The following PDZD9 variants were observed in gnomAD, a reference collection of about 807,000 sequenced individuals.
The protein encoded by PDZD9 is PDZ domain containing 9.
PDZD9 carries 13 observed loss-of-function variants against 16.3 expected under a neutral mutation model. The ratio of observed to expected loss-of-function variants is 0.80; its 90% CI spans 0.52 to 1.27. The LOEUF is 1.27. Among genes scored for constraint, PDZD9 ranks in the 50% most tolerant of loss-of-function variants. The pLI, the probability that PDZD9 is intolerant of heterozygous loss-of-function variation, is 0.00. For synonymous variants in PDZD9, 120 were observed against 111.0 expected, an observed-to-expected ratio of 1.08 and a Z score of -0.51; for missense variants, 288 against 310.9, an observed-to-expected ratio of 0.93 and a Z score of 0.55.
chr16:21,964,149 A>G, the PDZD9 span, among the ~76,000 whole-genome samples: 2 of 152,198 alleles, frequency 1.3e-5, no homozygotes, highest in Non-Finnish European at 2.9e-5. Flanking sequence ...ATGTTATTTC[A>G]TGATGATGCT....
the PDZD9 span, chr16:21,974,057 T>C: frequency 3.0e-6 from 4 of 1,318,068 alleles, no homozygotes; most frequent in Non-Finnish European, 4.3e-6. Context: ...GGTTAAAATA[T>C]GGAATGTTTG....
chr16:21,981,762 CAA>C (rs1028411779), downstream of PDZD9, among the ~76,000 whole-genome samples: 1 of 151,214 alleles, frequency 6.6e-6, no homozygotes, highest in African/African-American at 2.4e-5. Context: ...GACCCTGTCT[CAA>C]ATAAAAAAGA....
chr16:21,971,832 G>T, the PDZD9 span: 1 of 1,566,178 alleles, frequency 6.4e-7, no homozygotes, highest in Non-Finnish European at 8.7e-7. Flanking sequence ...AAGACTCGTG[G>T]GTTAATACTG....
chr16:21,980,815 A>C (rs909963305), downstream of PDZD9: 18 of 1,245,194 alleles, frequency 1.4e-5, no homozygotes, highest in Admixed American at 5.1e-5. Flanking sequence ...TTTGGTGCTC[A>C]TCTACTTAAT....
At chr16:21,962,300 G>A in the PDZD9 span, 3 of 791,896 alleles carry the variant, frequency 3.8e-6, no homozygotes, top group Non-Finnish European at 5.9e-6. Context: ...AAAAAATTTT[G>A]AATTTTAGTT....
the PDZD9 span, among the ~76,000 whole-genome samples, chr16:21,978,675 G>T: frequency 6.6e-6 from 1 of 152,148 alleles, no homozygotes; most frequent in Non-Finnish European, 1.5e-5. Context: ...GTATAATTTC[G>T]TACTGACAGC....
At chr16:21,975,717 G>C in the PDZD9 span, among the ~76,000 whole-genome samples, 8 of 152,166 alleles carry the variant, frequency 5.3e-5, no homozygotes, top group African/African-American at 1.4e-4. Flanking sequence ...TGAATAGTAA[G>C]AGATAGCAGT....
chr16:21,969,275 T>C, the PDZD9 span, among the ~76,000 whole-genome samples: 2 of 152,244 alleles, frequency 1.3e-5, no homozygotes, highest in Non-Finnish European at 2.9e-5. Context: ...GGCTCATGCC[T>C]GTAATCCTAG....
the PDZD9 span, among the ~76,000 whole-genome samples, chr16:21,961,644 AT>A: frequency 1.1e-5 from 1 of 93,800 alleles, no homozygotes; most frequent in East Asian, 2.5e-4. Flanking sequence ...ATATATATAT[AT>A]ATATATATAT....
At chr16:21,964,996 C>G in the PDZD9 span, among the ~76,000 whole-genome samples, 5 of 152,158 alleles carry the variant, frequency 3.3e-5, no homozygotes, top group African/African-American at 1.2e-4. Flanking sequence ...CTGACAATCT[C>G]CTTATTACCT....
At chr16:21,957,618 C>G in the PDZD9 span, 1 of 1,580,084 alleles carries the variant, frequency 6.3e-7, no homozygotes, top group Non-Finnish European at 8.6e-7. Context: ...TATCTTGGTC[C>G]TGTGAAAAAG....
the PDZD9 span, chr16:21,962,573 C>T: frequency 1.8e-5 from 29 of 1,610,588 alleles, no homozygotes; most frequent in Non-Finnish European, 2.4e-5. Flanking sequence ...AAGCTGCTCA[C>T]TTCTGGTCTT....
chr16:21,989,638 C>T (rs1898974236), intron 2 of PDZD9, among the ~76,000 whole-genome samples: 1 of 152,116 alleles, frequency 6.6e-6, no homozygotes, highest in Non-Finnish European at 1.5e-5. Flanking sequence ...CTGTATAAAA[C>T]ATTGGGCAAT....
chr16:22,000,875 T>TG (rs1899282919), intron 1 of PDZD9, 142 bp downstream of exon 1: 22 of 700,254 alleles, frequency 3.1e-5, no homozygotes, highest in Middle Eastern at 2.4e-4. Context: ...ATGATGATGA[T>TG]AATGATGATG....
the PDZD9 span, chr16:21,965,519 A>G: frequency 6.5e-7 from 1 of 1,533,998 alleles, no homozygotes; most frequent in Non-Finnish European, 8.8e-7. Context: ...CCAATAAAAC[A>G]TATTTTGAAA....
At chr16:21,994,644 A>G (rs1006356949) in intron 2 of PDZD9, among the ~76,000 whole-genome samples, 7 of 152,090 alleles carry the variant, frequency 4.6e-5, no homozygotes, top group African/African-American at 1.7e-4. Context: ...TAGCTCAGGG[A>G]TTGTGAGAGT....
At chr16:21,974,712 G>T in the PDZD9 span, among the ~76,000 whole-genome samples, 52 of 152,176 alleles carry the variant, frequency 3.4e-4, 1 homozygote, top group Non-Finnish European at 1.5e-5. Context: ...TGAGAGATTA[G>T]GTTGAAAGAG....
At chr16:21,960,266 C>T in the PDZD9 span, among the ~76,000 whole-genome samples, 2 of 152,282 alleles carry the variant, frequency 1.3e-5, no homozygotes, top group South Asian at 4.1e-4. Context: ...TCTATATTAG[C>T]ATTTGCTGCT....
the PDZD9 span, among the ~76,000 whole-genome samples, chr16:21,960,026 T>C: frequency 6.6e-6 from 1 of 152,200 alleles, no homozygotes; most frequent in Non-Finnish European, 1.5e-5. Context: ...CTCTAGGATT[T>C]TGAGAATGGT....
Sources: allele counts gnomAD v4.1 joint callset (sites outside exome capture counted in the v4.1 genomes callset), GRCh38; gene constraint gnomAD v4.1.1; transcripts MANE v1.5; gene names NCBI Gene and HGNC (gene_info 2026-07-23, HGNC 2026-07-21).